The following DENND2B variants were observed in gnomAD, a reference collection of about 807,000 sequenced individuals.
DENND2B encodes DENN domain containing 2B, also known as DENN domain-containing protein 2B.
A neutral mutation model predicts 116.0 loss-of-function variants in DENND2B; 32 were observed. The ratio of observed to expected loss-of-function variants is 0.28; its 90% confidence interval spans 0.21 to 0.37. The LOEUF is 0.37. DENND2B is among the 10% of genes least tolerant of loss of function. DENND2B has a pLI of 1.00. For synonymous variants in DENND2B, 588 were observed against 583.9 expected (o/e 1.01, Z -0.10); for missense variants, 1,276 against 1,477.7 (o/e 0.86, Z 2.24).
At chr11:8,805,354 G>A (rs547716288) in intron 1 of DENND2B, among the ~76,000 whole-genome samples, 5 of 152,352 alleles carry the variant, frequency 3.3e-5, no homozygotes, top group African/African-American at 1.2e-4. Flanking sequence ...ATACTCAGTT[G>A]TCAGAACTCC....
At chr11:8,782,243 C>T (rs1219270585) in intron 1 of DENND2B, among the ~76,000 whole-genome samples, 1 of 152,122 alleles carries the variant, frequency 6.6e-6, no homozygotes, top group Non-Finnish European at 1.5e-5. Flanking sequence ...AAAAATCAAC[C>T]TGCAAAAGGT....
chr11:8,806,515 A>G (rs2060847633), intron 1 of DENND2B, among the ~76,000 whole-genome samples: 2 of 151,918 alleles, frequency 1.3e-5, no homozygotes, highest in Admixed American at 6.6e-5. Context: ...CATTCATGAC[A>G]TCAGAGCCAA....
At position 8,712,094 on chromosome 11, in the gene DENND2B, C is replaced by A; in HGVS notation, c.2172+457G>T. 1 of 413,434 alleles carries A rather than the reference C, an allele frequency of 2.4e-6. No individual in the cohort carries two copies. The allele number at this position is 413,434 out of a possible 1,614,324, so 25.6% of individuals were successfully genotyped here. A position where few individuals can be genotyped will look rare whatever the true frequency, so the allele number is the denominator to read the frequency against. On this transcript the variant is annotated intron_variant, in intron 9 of 19. Coordinates refer to ENST00000313726, the MANE Select transcript of DENND2B (RefSeq NM_213618.2). The surrounding 1 kb of genome is among the most constrained non-coding windows in gnomAD (Gnocchi z 4.4). ...GAGTGTGAGAGGAAGAAGAGGGAGGCCAGGCTGGCTGGCGACAAGCAGGGA... is the reference window on the plus strand; with the variant it reads ...GAGTGTGAGAGGAAGAAGAGGGAGGACAGGCTGGCTGGCGACAAGCAGGGA...
chr11:8,773,517 T>A (rs1237260022), intron 1 of DENND2B, among the ~76,000 whole-genome samples: 1 of 152,172 alleles, frequency 6.6e-6, no homozygotes, highest in African/African-American at 2.4e-5. Context: ...CACACCTACC[T>A]GCCTTCCTAA....
chr11:8,704,467 G>C (rs939548109), intron 13 of DENND2B, among the ~76,000 whole-genome samples: 1 of 152,170 alleles, frequency 6.6e-6, no homozygotes, highest in Non-Finnish European at 1.5e-5. Context: ...ATAAGGGAAG[G>C]GTCCCCTATC....
At chr11:8,892,574 G>A (rs547620614) in intron 1 of DENND2B, among the ~76,000 whole-genome samples, 7 of 151,686 alleles carry the variant, frequency 4.6e-5, no homozygotes, top group Admixed American at 1.3e-4. Context: ...TATCACCACC[G>A]ATCCCACAGA....
chr11:8,832,990 T>G (rs537821990), intron 4 of DENND2B, among the ~76,000 whole-genome samples: 158 of 152,374 alleles, frequency 1.0e-3, no homozygotes, highest in African/African-American at 3.6e-3. Flanking sequence ...TGAGGTCGGA[T>G]CCTCTTAGCA....
intron 1 of DENND2B, among the ~76,000 whole-genome samples, chr11:8,781,862 T>C (rs1216466888): frequency 1.3e-5 from 2 of 152,020 alleles, no homozygotes. Flanking sequence ...ATTGGGAAAA[T>C]GCAAATTAAA....
intron 2 of DENND2B, among the ~76,000 whole-genome samples, chr11:8,869,554 C>T (rs1033831668): frequency 6.6e-6 from 1 of 151,482 alleles, no homozygotes; most frequent in South Asian, 2.1e-4. Flanking sequence ...CCCAGCTACT[C>T]GGGAGGCTGA....
chr11:8,721,425 G>T (rs1305911840), intron 4 of DENND2B, among the ~76,000 whole-genome samples: 1 of 152,148 alleles, frequency 6.6e-6, no homozygotes, highest in East Asian at 1.9e-4. Flanking sequence ...CAGGCACTGA[G>T]AATTTCTCCA....
chr11:8,878,023 A>G (rs1360534781), intron 2 of DENND2B, among the ~76,000 whole-genome samples: 1 of 152,244 alleles, frequency 6.6e-6, no homozygotes, highest in Non-Finnish European at 1.5e-5. Context: ...ATTTAGAGAA[A>G]GAGGGTTGGA....
chr11:8,903,041 G>A (rs1321420706), intron 1 of DENND2B, among the ~76,000 whole-genome samples: 4 of 152,096 alleles, frequency 2.6e-5, no homozygotes, highest in Non-Finnish European at 5.9e-5. Flanking sequence ...TGTATTTTTA[G>A]TAGAGATGGG....
Position 8,717,765 on chromosome 11 carries a change from C to T in DENND2B, c.1605G>A (p.Arg535=). ...CCTGTGTGGGCGGGCTGTTGTACTT[C>T]CTGTCCTGAGGACTCCACATCCTGT... ...SLHRMWSPQD[R]KYNSPPTQLS... Residue 535 remains arginine (R), a synonymous_variant, in exon 5 of 20, where the codon AGG becomes AGA. Transcript: ENST00000313726. 1 of 1,584,206 alleles carries T rather than the reference C, an allele frequency of 6.3e-7. No individual in the cohort carries two copies.
At chr11:8,842,796 C>T (rs1175928687) in intron 3 of DENND2B, among the ~76,000 whole-genome samples, 3 of 152,106 alleles carry the variant, frequency 2.0e-5, no homozygotes, top group African/African-American at 7.2e-5. Flanking sequence ...ATTCCCTGTA[C>T]CAGAAAAGTG....
chr11:8,821,819 T>C (rs1221967851), intron 4 of DENND2B, among the ~76,000 whole-genome samples: 2 of 152,200 alleles, frequency 1.3e-5, no homozygotes, highest in Non-Finnish European at 2.9e-5. Flanking sequence ...TGAAACAAGG[T>C]CTGGCTCTAT....
intron 4 of DENND2B, among the ~76,000 whole-genome samples, chr11:8,834,201 G>A (rs1035379312): frequency 6.6e-6 from 1 of 152,190 alleles, no homozygotes; most frequent in Non-Finnish European, 1.5e-5. Flanking sequence ...AGTACAGTTT[G>A]GAAAGTCATT....
At position 8,793,035 on chromosome 11, in the gene DENND2B, G is replaced by GCATAT. The variant is rs2059519469; in HGVS notation, c.-26+17481_-26+17482insATATG. ...GGAACAACTGAGAAACAATTCAATT[G>GCATAT]TCCGTCAAAAGGGGCTTGGTTAAAT... is the stretch of plus-strand genomic sequence containing the variant. On this transcript the variant is annotated intron_variant, in intron 1 of 19. Coordinates refer to ENST00000313726, the MANE Select transcript of DENND2B (RefSeq NM_213618.2). Among the ~76,000 whole-genome samples the GCATAT allele has an allele frequency of 2.0e-5, 3 of 152,268 alleles. No homozygotes were observed. The South Asian group carries it at 6.2e-4, about 32-fold the overall frequency.
At chr11:8,695,375 A>C in intron 19 of DENND2B, 88 bp downstream of exon 19, 1 of 1,214,216 alleles carries the variant, frequency 8.2e-7, no homozygotes, top group Non-Finnish European at 1.2e-6. Flanking sequence ...ACACCTGTTG[A>C]CATTGATTTA....
At chr11:8,711,991 T>C (rs1174289058) in intron 9 of DENND2B, 2 of 455,252 alleles carry the variant, frequency 4.4e-6, no homozygotes, top group Non-Finnish European at 4.4e-6. Flanking sequence ...GCCTGAGAAA[T>C]GAGAAGGAGC....
Sources: gnomAD v4.1 joint callset for allele counts (sites outside exome capture counted in the v4.1 genomes callset) on GRCh38, gnomAD v4.1.1 for gene constraint, Gnocchi (gnomAD v3.1) non-coding constraint, MANE v1.5 for transcripts, NCBI Gene and HGNC (gene_info 2026-07-23, HGNC 2026-07-21) for gene names.